PMM2: variants seen among roughly 807,000 people sequenced by gnomAD.
The protein encoded by PMM2 is mannose-6-phosphate isomerase.
PMM2 carries 35 observed loss-of-function variants against 33.2 expected under a neutral mutation model. The ratio of observed to expected loss-of-function variants is 1.06; its 90% CI spans 0.81 to 1.40. The LOEUF is 1.40. PMM2 is among the 40% of genes most tolerant of loss of function. PMM2 has a pLI of 0.00. For synonymous variants in PMM2, 153 were observed against 114.7 expected (o/e 1.33, Z -2.13); for missense variants, 386 against 306.0 (o/e 1.26, Z -1.95).
At chr16:8,799,412 G>C (rs2060598461) in intron 1 of PMM2, among the ~76,000 whole-genome samples, 1 of 152,110 alleles carries the variant, frequency 6.6e-6, no homozygotes, top group African/African-American at 2.4e-5. Flanking sequence ...CAGCCAACCT[G>C]GTACAAGTCT....
intron 7 of PMM2, among the ~76,000 whole-genome samples, chr16:8,819,002 C>G (rs2060722791): frequency 1.3e-5 from 2 of 152,234 alleles, no homozygotes; most frequent in African/African-American, 2.4e-5. Context: ...CTTACCCATG[C>G]TTTCTGTAAA....
At chr16:8,826,098 C>T (rs2060766376) in intron 7 of PMM2, among the ~76,000 whole-genome samples, 2 of 152,154 alleles carry the variant, frequency 1.3e-5, no homozygotes, top group African/African-American at 2.4e-5. Flanking sequence ...TCTGGCCCTG[C>T]ATCAGTATGC....
intron 7 of PMM2, among the ~76,000 whole-genome samples, chr16:8,831,671 G>C (rs1380511116): frequency 4.6e-5 from 7 of 152,304 alleles, no homozygotes; most frequent in Admixed American, 3.9e-4. Context: ...TCCTCTCTTT[G>C]GATGATTGGG....
chr16:8,833,189 T>C (rs147529332), intron 7 of PMM2, among the ~76,000 whole-genome samples: 1 of 152,244 alleles, frequency 6.6e-6, no homozygotes. Context: ...GGTTTTGGGA[T>C]AGGCGGTGAA....
intron 7 of PMM2, among the ~76,000 whole-genome samples, chr16:8,839,063 A>C (rs924814691): frequency 6.6e-6 from 1 of 151,998 alleles, no homozygotes; most frequent in African/African-American, 2.4e-5. Flanking sequence ...GTCATGACAG[A>C]GGTTGAAATG....
At chr16:8,828,066 C>G (rs766607188) in intron 7 of PMM2, among the ~76,000 whole-genome samples, 1 of 24,348 alleles carries the variant, frequency 4.1e-5, no homozygotes, top group East Asian at 1.0e-3. Context: ...TTTTAAATTT[C>G]TTATTACCAG....
In PMM2 at chr16:8,806,424, C is replaced by T. The variant is rs1370096926; in HGVS notation, c.347+17C>T. 6.0e-6 allele frequency: 9 copies of T among 1,496,760 alleles called. No individual in the cohort carries two copies. The highest frequency in any genetic ancestry group is 6.5e-6 in the Non-Finnish European group (7 of 1,073,054). 92.7% of individuals were successfully genotyped at this position (1,496,760 alleles called of 1,614,324 possible). A position where few individuals can be genotyped will look rare whatever the true frequency, so the allele number is the denominator to read the frequency against. ...GAAGAAGAGGTGGGTTTGCTTTTAA[C>T]AAAGAGGCGTCACAGGAACATAGCG... On this transcript the variant is annotated intron_variant, in intron 4 of 7. Transcript: ENST00000268261.
chr16:8,826,578 T>A (rs1328743740), intron 7 of PMM2, among the ~76,000 whole-genome samples: 2 of 152,226 alleles, frequency 1.3e-5, no homozygotes, highest in Admixed American at 1.3e-4. Context: ...ACAGTTTTAT[T>A]TCATCAATAA....
In PMM2 at chr16:8,830,505, G is replaced by A. The variant is rs545630929; in HGVS notation, c.640-17219G>A. Among the ~76,000 whole-genome samples, 7 of 152,252 alleles carry A rather than the reference G, an allele frequency of 4.6e-5. No homozygotes were observed. In the South Asian group the frequency reaches 1.0e-3, roughly 23 times the overall value. On this transcript the variant is annotated intron_variant, in intron 7 of 7. Coordinates refer to ENST00000268261, the MANE Select transcript of PMM2 (RefSeq NM_000303.3). ...TGGATTGCTGATTGGTCAGCATGGAGATGAAATCATAGGGGGTAGAAGTGA... is the reference window on the plus strand; with the variant it reads ...TGGATTGCTGATTGGTCAGCATGGAAATGAAATCATAGGGGGTAGAAGTGA...
chr16:8,836,485 T>G (rs925874088), intron 7 of PMM2, among the ~76,000 whole-genome samples: 2 of 151,992 alleles, frequency 1.3e-5, no homozygotes, highest in Non-Finnish European at 2.9e-5. Flanking sequence ...AGCAAGCTCC[T>G]GGGGGAGGAG....
intron 7 of PMM2, among the ~76,000 whole-genome samples, chr16:8,843,838 G>A (rs140431182): frequency 6.6e-6 from 1 of 152,076 alleles, no homozygotes; most frequent in Admixed American, 6.6e-5. Context: ...AGGGGCTGAG[G>A]AAGAATTGGA....
chr16:8,821,493 G>C (rs2060739270), intron 7 of PMM2, among the ~76,000 whole-genome samples: 1 of 152,204 alleles, frequency 6.6e-6, no homozygotes, highest in Non-Finnish European at 1.5e-5. Context: ...CTTTCATTCA[G>C]GGAGACACTG....
chr16:8,830,973 T>C (rs1326901063), intron 7 of PMM2, among the ~76,000 whole-genome samples: 1 of 152,122 alleles, frequency 6.6e-6, no homozygotes, highest in Non-Finnish European at 1.5e-5. Flanking sequence ...ACCCCGCCTC[T>C]ACTAAAAGTA....
intron 7 of PMM2, among the ~76,000 whole-genome samples, chr16:8,829,976 T>A (rs1490927769): frequency 6.6e-6 from 1 of 152,168 alleles, no homozygotes; most frequent in Non-Finnish European, 1.5e-5. Context: ...TACCACCTAA[T>A]AGAGCTAGAG....
intron 4 of PMM2, chr16:8,807,675 T>C (rs143305073): frequency 1.1e-3 from 166 of 152,588 alleles, no homozygotes; most frequent in Admixed American, 2.8e-3. Context: ...TTTAATTTTT[T>C]GTAGAGATAG....
Position 8,807,994 on chromosome 16 carries a change from C to G in PMM2, c.347+1587C>G, listed in dbSNP as rs2060656522. ...TGCAAGTGATTTCTTTGAAATCCTT[C>G]TCATTTTTACCCCCAGTTTTCAACA... On this transcript the variant is annotated intron_variant, in intron 4 of 7. Coordinates refer to ENST00000268261, the MANE Select transcript of PMM2 (RefSeq NM_000303.3). 2.0e-5 allele frequency: 3 copies of G among 152,198 alleles called. No homozygotes were observed. In the South Asian group the frequency reaches 6.2e-4, roughly 31 times the overall value. The allele number at this position is 152,198 out of a possible 1,614,324, so 9.4% of individuals were successfully genotyped here. A position where few individuals can be genotyped will look rare whatever the true frequency, so the allele number is the denominator to read the frequency against.
chr16:8,827,474 C>T (rs1018502489), intron 7 of PMM2, among the ~76,000 whole-genome samples: 4 of 150,524 alleles, frequency 2.7e-5, no homozygotes, highest in Non-Finnish European at 5.9e-5. Context: ...AAGCTCACTG[C>T]AGCCTCTGCC....
rs533990118 is a variant in PMM2 at position 8,812,843 on chromosome 16, A to G, written c.524-148A>G. 256 of 678,140 alleles carry G rather than the reference A, an allele frequency of 3.8e-4. 1 individual carries two copies. The highest frequency in any genetic ancestry group is 1.7e-3 in the Admixed American group (79 of 45,768). The allele number at this position is 678,140 out of a possible 1,614,324, so 42.0% of individuals were successfully genotyped here. ...TAGAATTAATTTCTAGAACCTATGC[A>G]TGAAGTAGTCTAAGTAGCAAACTAG... is the stretch of plus-strand genomic sequence containing the variant. On this transcript the variant is annotated intron_variant, in intron 6 of 7. Transcript: ENST00000268261.
At chr16:8,846,712 G>T (rs892299255) in intron 7 of PMM2, among the ~76,000 whole-genome samples, 2 of 152,154 alleles carry the variant, frequency 1.3e-5, no homozygotes, top group African/African-American at 4.8e-5. Context: ...TGGCCACAGA[G>T]CTGTGAGCAA....
Sources: gnomAD v4.1 joint callset for allele counts (sites outside exome capture counted in the v4.1 genomes callset) on GRCh38, gnomAD v4.1.1 for gene constraint, MANE v1.5 for transcripts, NCBI Gene and HGNC (gene_info 2026-07-23, HGNC 2026-07-21) for gene names.